TUBA4B: variants seen among roughly 807,000 people sequenced by gnomAD.
TUBA4B encodes tubulin alpha 4b.
In TUBA4B, 13 loss-of-function variants were observed where a neutral mutation model predicts 18.4. The observed-to-expected ratio is 0.71, with a 90% CI of 0.46 to 1.12. The LOEUF is 1.12. Ranked by LOEUF, TUBA4B falls within the 50% of genes most tolerant of loss-of-function variation. The pLI, the probability that TUBA4B is intolerant of heterozygous loss-of-function variation, is 0.00. For missense variants in TUBA4B, 244 were observed against 250.0 expected, an observed-to-expected ratio of 0.98 and a Z score of 0.16; for synonymous variants, 101 against 99.1, an observed-to-expected ratio of 1.02 and a Z score of -0.11.
chr2:219,256,360 A>T (rs55634900), intron 1 of TUBA4B, among the ~76,000 whole-genome samples: 6,560 of 152,310 alleles, frequency 0.043, 270 homozygotes, highest in East Asian at 0.11. Context: ...AATATTATAG[A>T]TAGCAAACTA....
In TUBA4B at chr2:219,263,061, A is replaced by G. The variant is rs1951769342; in HGVS notation, c.13-3460A>G. 2.6e-5 allele frequency among the ~76,000 whole-genome samples: 4 copies of G among 152,242 alleles called. No individual in the cohort carries two copies. In the South Asian group the frequency reaches 6.2e-4, roughly 24 times the overall value. ...CATTCCCCACCCCCCAAAAAAGCAT[A>G]AACTTTTGTGTTTATCACTGTATCC... On this transcript the variant is annotated intron_variant, in intron 1 of 3. Transcript: ENST00000490341.
chr2:219,256,234 T>A (rs934815565), intron 1 of TUBA4B, among the ~76,000 whole-genome samples: 1 of 152,264 alleles, frequency 6.6e-6, no homozygotes, highest in Non-Finnish European at 1.5e-5. Flanking sequence ...ATTGTGAATA[T>A]CAGATGAATT....
intron 1 of TUBA4B, among the ~76,000 whole-genome samples, chr2:219,257,654 A>C (rs1338289488): frequency 4.0e-5 from 6 of 148,502 alleles, no homozygotes; most frequent in South Asian, 4.2e-4. Flanking sequence ...AAAAAAAAAA[A>C]AAAAAAAAAA....
chr2:219,268,495 T>C (rs2125077253), intron 2 of TUBA4B, among the ~76,000 whole-genome samples: 1 of 152,354 alleles, frequency 6.6e-6, no homozygotes, highest in South Asian at 2.1e-4. Context: ...TGTTAGGCAG[T>C]GGGCCAGGCA....
chr2:219,271,134 G>T (rs948494452), intron 3 of TUBA4B, 32 bp from the exon 4 acceptor site: 7 of 735,654 alleles, frequency 9.5e-6, no homozygotes, highest in Non-Finnish European at 1.4e-5. Flanking sequence ...TGTGCTCCAT[G>T]CCCCACATTT....
At chr2:219,253,498 G>A (rs1297980845) in intron 1 of TUBA4B, 79 bp downstream of exon 1, 21 of 1,208,138 alleles carry the variant, frequency 1.7e-5, no homozygotes, top group Admixed American at 4.0e-5. Flanking sequence ...GGATGTAAGA[G>A]GGCAGCCAAA....
At chr2:219,256,053 G>C (rs1559278861) in intron 1 of TUBA4B, among the ~76,000 whole-genome samples, 1 of 152,188 alleles carries the variant, frequency 6.6e-6, no homozygotes, top group Non-Finnish European at 1.5e-5. Context: ...GGTGACTATA[G>C]GACACATGGC....
rs776495457 is a variant in TUBA4B, at chr2:219,271,438, C to A, written c.465C>A (p.Asn155Lys). The change falls in exon 4 of 4, where the codon AAC becomes AAA. Residue 155 changes from asparagine (N) to lysine (K), a missense_variant. Asn to Lys is a moderately conservative substitution (Grantham distance 94). Transcript: ENST00000490341. ...CAATCTATGACATCTGCCACTGCAACCTAGACATCGAGCGCCCAACCTACA... is the reference window on the plus strand; with the variant it reads ...CAATCTATGACATCTGCCACTGCAAACTAGACATCGAGCGCCCAACCTACA... The part of the protein sequence containing the change: ...NKAIYDICHC[N>K]LDIERPTYTN... 6.2e-7 allele frequency: 1 copy of A among 1,614,084 alleles called. No homozygotes were observed. The highest frequency in any genetic ancestry group is 8.5e-7 in the Non-Finnish European group (1 of 1,180,030).
chr2:219,263,871 C>G (rs1951773547), intron 1 of TUBA4B, among the ~76,000 whole-genome samples: 1 of 152,218 alleles, frequency 6.6e-6, no homozygotes. Context: ...CCTGTTTCAA[C>G]TGCACTATGT....
chr2:219,258,592 A>T (rs1951739342), intron 1 of TUBA4B, among the ~76,000 whole-genome samples: 1 of 151,808 alleles, frequency 6.6e-6, no homozygotes, highest in African/African-American at 2.4e-5. Flanking sequence ...AGCCTCCCTG[A>T]GTGCTGGGAT....
rs1014715889 is a variant in TUBA4B, at chr2:219,253,390, T to C, written c.-18T>C. ...TGGTTCTGTGGATAGTTGGAATGCATACACAGAGGAAAGGGGGATGCGGCA... is the reference window on the plus strand; with the variant it reads ...TGGTTCTGTGGATAGTTGGAATGCACACACAGAGGAAAGGGGGATGCGGCA... On this transcript the variant is annotated 5_prime_UTR_variant, in exon 1 of 4. Coordinates refer to ENST00000490341, the MANE Select transcript of TUBA4B (RefSeq NM_001355221.1). The C allele has an allele frequency of 2.6e-6, 4 of 1,534,302 alleles. No homozygotes were observed. In the African/African-American group the frequency reaches 5.5e-5, roughly 21 times the overall value.
intron 1 of TUBA4B, among the ~76,000 whole-genome samples, chr2:219,257,876 C>T (rs1050758179): frequency 6.6e-6 from 1 of 151,020 alleles, no homozygotes; most frequent in Non-Finnish European, 1.5e-5. Flanking sequence ...TGGGGTCTTG[C>T]TGTGTTGCCC....
At chr2:219,253,679 C>G (rs569860276) in intron 1 of TUBA4B, among the ~76,000 whole-genome samples, 1 of 152,342 alleles carries the variant, frequency 6.6e-6, no homozygotes, top group African/African-American at 2.4e-5. Flanking sequence ...CGAAGGTGAA[C>G]TATACGGCTC....
Position 219,253,977 on chromosome 2 carries a change from C to A in TUBA4B, c.12+558C>A. The A allele has an allele frequency of 2.7e-6, 3 of 1,093,400 alleles. No individual in the cohort carries two copies. The South Asian group carries it at 7.3e-5, about 27-fold the overall frequency. The allele number at this position is 1,093,400 out of a possible 1,614,324, so 67.7% of individuals were successfully genotyped here. On this transcript the variant is annotated intron_variant, in intron 1 of 3. Coordinates refer to ENST00000490341, the MANE Select transcript of TUBA4B (RefSeq NM_001355221.1). ...GGGGGGGGGCGGGGCCCGCGTTCCC[C>A]GCTCGCCCACTAGAGGCTGGGCGGC... is the stretch of plus-strand genomic sequence containing the variant.
At chr2:219,264,873 G>A (rs2125076197) in intron 1 of TUBA4B, among the ~76,000 whole-genome samples, 2 of 152,324 alleles carry the variant, frequency 1.3e-5, no homozygotes, top group Middle Eastern at 6.8e-3. Flanking sequence ...GCAACATGAG[G>A]GCCCATTTGA....
intron 1 of TUBA4B, chr2:219,253,775 C>T: frequency 6.6e-7 from 1 of 1,505,392 alleles, no homozygotes; most frequent in Non-Finnish European, 9.0e-7. Flanking sequence ...GTGGAGGTCC[C>T]CGAGCATGCC....
chr2:219,272,188 T>A lies in TUBA4B; in HGVS notation c.*489T>A. On this transcript the variant is annotated 3_prime_UTR_variant, in exon 4 of 4. Coordinates refer to ENST00000490341, the MANE Select transcript of TUBA4B (RefSeq NM_001355221.1). ...TGTCCTACATAAAGTGCTGTGGCCT[T>A]ATTGTCTCACGAATGTCTTTTTCTC... 2.1e-6 allele frequency: 1 copy of A among 471,092 alleles called. No homozygotes were observed. The highest frequency in any genetic ancestry group is 3.9e-6 in the Non-Finnish European group (1 of 258,182). The allele number at this position is 471,092 out of a possible 1,614,324, so 29.2% of individuals were successfully genotyped here.
intron 2 of TUBA4B, among the ~76,000 whole-genome samples, chr2:219,269,900 A>T (rs1951815159): frequency 6.6e-6 from 1 of 152,180 alleles, no homozygotes; most frequent in African/African-American, 2.4e-5. Flanking sequence ...GTCCTACTCC[A>T]TAACTGCAGA....
chr2:219,262,687 T>A (rs956968564), intron 1 of TUBA4B, among the ~76,000 whole-genome samples: 1 of 151,500 alleles, frequency 6.6e-6, no homozygotes, highest in African/African-American at 2.4e-5. Context: ...AAAAAAAAAT[T>A]TTTTTTTTTG....
Sources: gnomAD v4.1 joint callset for allele counts (sites outside exome capture counted in the v4.1 genomes callset) on GRCh38, gnomAD v4.1.1 for gene constraint, MANE v1.5 for transcripts, NCBI Gene and HGNC (gene_info 2026-07-23, HGNC 2026-07-21) for gene names.